ARHGAP35: variants seen among roughly 807,000 people sequenced by gnomAD.
ARHGAP35 encodes rho GTPase-activating protein 35.
ARHGAP35 carries 15 observed loss-of-function variants against 111.1 expected under a neutral mutation model. The observed-to-expected ratio is 0.13, with a 90% confidence interval of 0.09 to 0.21. ARHGAP35 has a LOEUF of 0.21. Among genes scored for constraint, ARHGAP35 ranks in the 10% least tolerant of loss-of-function variants. The pLI, the probability that ARHGAP35 is intolerant of heterozygous loss-of-function variation, is 1.00. For missense variants in ARHGAP35, 1,262 were observed against 1,873.0 expected, an observed-to-expected ratio of 0.67 and a Z score of 6.02; for synonymous variants, 643 against 710.3, an observed-to-expected ratio of 0.91 and a Z score of 1.51.
At chr19:46,975,091 C>T (rs371444821) in intron 3 of ARHGAP35, among the ~76,000 whole-genome samples, 3 of 152,178 alleles carry the variant, frequency 2.0e-5, no homozygotes, top group East Asian at 3.9e-4. Flanking sequence ...AGACTGGTCT[C>T]GAACTCCTGA....
chr19:46,931,710 T>G (rs940160491), intron 2 of ARHGAP35, among the ~76,000 whole-genome samples: 3 of 152,226 alleles, frequency 2.0e-5, no homozygotes, highest in Non-Finnish European at 2.9e-5. Flanking sequence ...TGTTTCAGGC[T>G]GGCCCAGTCC....
chr19:46,898,050 C>T (rs746225304), intron 1 of ARHGAP35, among the ~76,000 whole-genome samples: 4 of 151,916 alleles, frequency 2.6e-5, no homozygotes, highest in Non-Finnish European at 5.9e-5. Context: ...GTCAGGAGTT[C>T]GGCTAACATG....
chr19:46,941,300 A>G (rs2056345444), intron 3 of ARHGAP35, among the ~76,000 whole-genome samples: 1 of 151,990 alleles, frequency 6.6e-6, no homozygotes. Flanking sequence ...TAGCACTTTG[A>G]ATTTAACCTC....
At position 46,862,617 on chromosome 19, in the gene ARHGAP35, T is replaced by A. The variant is rs534140204; in HGVS notation, c.-189+1408T>A. ...TCAATTCTGCTCCATCCTCTTTATT[T>A]AGTGTTTCCCTCCCCAGCTCGGCTC... On this transcript the variant is annotated intron_variant, in intron 1 of 6. Coordinates refer to ENST00000672722, the MANE Select transcript of ARHGAP35 (RefSeq NM_004491.5). Among the ~76,000 whole-genome samples, 60 of 152,320 alleles carry A rather than the reference T, an allele frequency of 3.9e-4. No individual in the cohort carries two copies. The East Asian group carries it at 9.3e-3, about 24-fold the overall frequency.
chr19:46,861,544 CG>C (rs967136229), intron 1 of ARHGAP35, among the ~76,000 whole-genome samples: 2 of 145,534 alleles, frequency 1.4e-5, no homozygotes, highest in Non-Finnish European at 3.0e-5. Context: ...CCCAATTCTG[CG>C]CCCCCCTTCC....
chr19:46,978,635 C>A (rs182507241), intron 3 of ARHGAP35, among the ~76,000 whole-genome samples: 12 of 45,830 alleles, frequency 2.6e-4, no homozygotes, highest in African/African-American at 1.1e-3. Context: ...GCTGTGTGTG[C>A]GGTGGGGTAT....
intron 1 of ARHGAP35, among the ~76,000 whole-genome samples, chr19:46,895,629 T>C (rs993257683): frequency 6.6e-6 from 1 of 152,220 alleles, no homozygotes; most frequent in Non-Finnish European, 1.5e-5. Flanking sequence ...AGAAATGGTC[T>C]TTATGGTTAA....
At chr19:46,880,355 C>A (rs1217426869) in intron 1 of ARHGAP35, among the ~76,000 whole-genome samples, 1 of 152,122 alleles carries the variant, frequency 6.6e-6, no homozygotes, top group Non-Finnish European at 1.5e-5. Context: ...TCGCTTGAAC[C>A]CAGGAGGCGG....
intron 3 of ARHGAP35, among the ~76,000 whole-genome samples, chr19:46,942,156 T>C (rs1211525572): frequency 6.6e-6 from 1 of 152,190 alleles, no homozygotes; most frequent in Non-Finnish European, 1.5e-5. Context: ...ATTGGACAAA[T>C]GGCAAGAACT....
chr19:46,905,251 G>T (rs311374), intron 1 of ARHGAP35, among the ~76,000 whole-genome samples: 67 of 152,038 alleles, frequency 4.4e-4, no homozygotes, highest in Non-Finnish European at 8.5e-4. Context: ...CTGTAGGTTG[G>T]GCGTGGTGGC....
intron 3 of ARHGAP35, among the ~76,000 whole-genome samples, chr19:46,982,349 C>T (rs1451848028): frequency 1.1e-4 from 17 of 151,900 alleles, no homozygotes; most frequent in African/African-American, 3.4e-4. Flanking sequence ...CAGTGGCAGG[C>T]GCCTGTAATC....
intron 1 of ARHGAP35, among the ~76,000 whole-genome samples, chr19:46,873,047 GGGAC>G (rs1306006697): frequency 3.9e-5 from 6 of 152,070 alleles, no homozygotes; most frequent in African/African-American, 1.4e-4. Flanking sequence ...TTGCAGAGAG[GGGAC>G]TTGCCCAAGG....
At chr19:46,940,476 C>T (rs570506863) in intron 3 of ARHGAP35, among the ~76,000 whole-genome samples, 1 of 152,152 alleles carries the variant, frequency 6.6e-6, no homozygotes, top group South Asian at 2.1e-4. Context: ...TGGAATGAGC[C>T]GAGATCACGC....
At chr19:46,939,283 C>G (rs559105306) in intron 3 of ARHGAP35, among the ~76,000 whole-genome samples, 1 of 150,218 alleles carries the variant, frequency 6.7e-6, no homozygotes, top group Admixed American at 6.6e-5. Context: ...CTTCAGTGTC[C>G]ATCTTTTTGA....
intron 1 of ARHGAP35, among the ~76,000 whole-genome samples, chr19:46,906,470 G>A (rs2056108482): frequency 6.6e-6 from 1 of 152,190 alleles, no homozygotes; most frequent in African/African-American, 2.4e-5. Flanking sequence ...CAGGATTAGA[G>A]TCACCTGTTT....
intron 1 of ARHGAP35, among the ~76,000 whole-genome samples, chr19:46,880,389 A>T (rs1568459690): frequency 6.6e-6 from 1 of 152,132 alleles, no homozygotes; most frequent in Non-Finnish European, 1.5e-5. Flanking sequence ...CTGAGATGGA[A>T]CCATTGTACT....
In ARHGAP35 at chr19:46,998,823, G is replaced by T. The variant is rs374609717; in HGVS notation, c.4037-481G>T. ...GCCCCTCCAACGGGGATGTGTGGAC[G>T]GTCCCTGTGTCTCTAGGAAAAGGAC... On this transcript the variant is annotated intron_variant, in intron 5 of 6. Transcript: ENST00000672722. 2.6e-5 allele frequency among the ~76,000 whole-genome samples: 4 copies of T among 152,222 alleles called. No individual in the cohort carries two copies. In the East Asian group the frequency reaches 5.8e-4, roughly 22 times the overall value.
chr19:46,904,910 C>T (rs311373), intron 1 of ARHGAP35, among the ~76,000 whole-genome samples: 79,108 of 151,968 alleles, frequency 0.52, 21,207 homozygotes, highest in Middle Eastern at 0.7. Flanking sequence ...CTATGCTCCG[C>T]GTTCCTGTTC....
intron 1 of ARHGAP35, among the ~76,000 whole-genome samples, chr19:46,917,263 T>G (rs571042862): frequency 1.3e-5 from 2 of 152,310 alleles, no homozygotes; most frequent in South Asian, 4.1e-4. Flanking sequence ...CTGGCTTATT[T>G]CACTTAGCAC....
Sources: allele counts gnomAD v4.1 joint callset (sites outside exome capture counted in the v4.1 genomes callset), GRCh38; gene constraint gnomAD v4.1.1; transcripts MANE v1.5; gene names NCBI Gene and HGNC (gene_info 2026-07-23, HGNC 2026-07-21).